DLG2: variants seen among roughly 807,000 people sequenced by gnomAD.
DLG2 encodes the protein disks large homolog 2.
In DLG2, 45 loss-of-function variants were observed where a neutral mutation model predicts 132.5. That is an observed-to-expected ratio of 0.34 (90% confidence interval 0.27 to 0.44). The LOEUF is 0.44. Among genes scored for constraint, DLG2 ranks in the 20% least tolerant of loss-of-function variants. DLG2 has a pLI of 1.00. For synonymous variants in DLG2, 424 were observed against 419.6 expected, an observed-to-expected ratio of 1.01 and a Z score of -0.13; for missense variants, 1,045 against 1,196.9, an observed-to-expected ratio of 0.87 and a Z score of 1.87.
chr11:84,787,853 C>T (rs915364875), intron 6 of DLG2, among the ~76,000 whole-genome samples: 3 of 151,442 alleles, frequency 2.0e-5, no homozygotes, highest in African/African-American at 4.9e-5. Context: ...AATCCCAGCA[C>T]TTTGGGAGGC....
chr11:85,055,149 T>C (rs941997606), intron 6 of DLG2, among the ~76,000 whole-genome samples: 1 of 152,134 alleles, frequency 6.6e-6, no homozygotes, highest in Non-Finnish European at 1.5e-5. Flanking sequence ...CAAATAAAGA[T>C]GCTCAAATGG....
chr11:83,624,733 C>A lies in DLG2; in HGVS notation c.1940+8478G>T, dbSNP rs529809828. 2.0e-5 allele frequency among the ~76,000 whole-genome samples: 3 copies of A among 152,252 alleles called. No homozygotes were observed. In the South Asian group the frequency reaches 6.2e-4, roughly 32 times the overall value. ...AATGTGACACTCAAGTTTTAGCAAA[C>A]AATAAGCTATGCACGACTATCATTA... On this transcript the variant is annotated intron_variant, in intron 19 of 27. Transcript: ENST00000376104.
chr11:84,317,728 G>C (rs1324459772), intron 7 of DLG2, among the ~76,000 whole-genome samples: 1 of 152,140 alleles, frequency 6.6e-6, no homozygotes, highest in African/African-American at 2.4e-5. Context: ...TATCTAGAGA[G>C]AGATTTGCCA....
chr11:85,091,111 C>A (rs1373352449), intron 6 of DLG2, among the ~76,000 whole-genome samples: 1 of 152,206 alleles, frequency 6.6e-6, no homozygotes, highest in Non-Finnish European at 1.5e-5. Context: ...CCAAACACCT[C>A]CCATTTGGTT....
At chr11:84,753,121 G>T (rs1039587719) in intron 6 of DLG2, among the ~76,000 whole-genome samples, 2 of 152,138 alleles carry the variant, frequency 1.3e-5, no homozygotes, top group African/African-American at 4.8e-5. Context: ...TAATCACAAA[G>T]ATTTTTGGGC....
At chr11:85,465,073 CAAAAAAAAAAAAAAAAAAAAAAAAAAA>C (rs1157088846) in intron 3 of DLG2, among the ~76,000 whole-genome samples, 355 of 17,142 alleles carry the variant, frequency 0.021, 2 homozygotes, top group East Asian at 0.11. Flanking sequence ...AACTCTGCCT[CAAAAAAAAAAAAAAAAAAAAAAAAAAA>C]AAAAAAAAAA....
intron 21 of DLG2, among the ~76,000 whole-genome samples, chr11:83,512,032 G>A (rs1044059706): frequency 2.6e-5 from 4 of 152,192 alleles, no homozygotes; most frequent in Admixed American, 2.0e-4. Flanking sequence ...TTTGTAAACA[G>A]TTTGTGAGGG....
intron 6 of DLG2, among the ~76,000 whole-genome samples, chr11:84,954,214 G>A (rs2051325133): frequency 6.6e-6 from 1 of 151,852 alleles, no homozygotes; most frequent in South Asian, 2.1e-4. Context: ...CTCTGCATTG[G>A]ACTCTCCTCT....
chr11:85,002,491 C>G (rs780906870), intron 6 of DLG2, among the ~76,000 whole-genome samples: 1 of 152,168 alleles, frequency 6.6e-6, no homozygotes, highest in Non-Finnish European at 1.5e-5. Flanking sequence ...GGTCTACAAT[C>G]TCTCCATGAT....
intron 4 of DLG2, among the ~76,000 whole-genome samples, chr11:85,203,860 G>A (rs2081648538): frequency 6.6e-6 from 1 of 152,036 alleles, no homozygotes; most frequent in South Asian, 2.1e-4. Flanking sequence ...ATTTAGTCCA[G>A]GGATGCACAG....
chr11:84,362,549 T>C lies in DLG2; in HGVS notation c.520-111258A>G, dbSNP rs1445090384. Among the ~76,000 whole-genome samples, 4 of 152,030 alleles carry C rather than the reference T, an allele frequency of 2.6e-5. No homozygotes were observed. The East Asian group carries it at 7.7e-4, about 29-fold the overall frequency. Reference sequence around the variant, plus strand: ...TATACTTCAAGTTTTAGGGTACATGTGCACAATGTGCAGGTTAGTTACATA... The same window carrying C: ...TATACTTCAAGTTTTAGGGTACATGCGCACAATGTGCAGGTTAGTTACATA... On this transcript the variant is annotated intron_variant, in intron 7 of 27. Coordinates refer to ENST00000376104, the MANE Select transcript of DLG2 (RefSeq NM_001142699.3).
chr11:83,603,200 C>G (rs753863456), intron 19 of DLG2, among the ~76,000 whole-genome samples: 1 of 152,110 alleles, frequency 6.6e-6, no homozygotes, highest in Non-Finnish European at 1.5e-5. Context: ...CCGATCACCA[C>G]GACAAAGAAT....
chr11:84,735,315 T>C (rs1000257551), intron 6 of DLG2, among the ~76,000 whole-genome samples: 1 of 152,050 alleles, frequency 6.6e-6, no homozygotes, highest in African/African-American at 2.4e-5. Flanking sequence ...CAATTTCAGA[T>C]TCTATTATTG....
At chr11:85,363,367 A>G (rs1342328210) in intron 3 of DLG2, among the ~76,000 whole-genome samples, 2 of 152,230 alleles carry the variant, frequency 1.3e-5, no homozygotes, top group African/African-American at 4.8e-5. Flanking sequence ...AATGGAAAGG[A>G]AAGGAGGCTT....
intron 5 of DLG2, among the ~76,000 whole-genome samples, chr11:85,135,692 T>C (rs940815513): frequency 5.9e-5 from 9 of 152,224 alleles, no homozygotes; most frequent in African/African-American, 1.9e-4. Flanking sequence ...ATTATTTGAT[T>C]AATGTCTATA....
At chr11:84,440,084 T>C (rs1275442353) in intron 7 of DLG2, among the ~76,000 whole-genome samples, 1 of 152,260 alleles carries the variant, frequency 6.6e-6, no homozygotes, top group Non-Finnish European at 1.5e-5. Flanking sequence ...TTACTGGTTT[T>C]GCCTTTATGT....
At chr11:83,536,038 A>T (rs918776190) in intron 20 of DLG2, among the ~76,000 whole-genome samples, 1 of 152,164 alleles carries the variant, frequency 6.6e-6, no homozygotes, top group Non-Finnish European at 1.5e-5. Flanking sequence ...GCATTATCCA[A>T]ATTCTCAACA....
At chr11:85,277,386 AT>A (rs1348713974) in intron 4 of DLG2, among the ~76,000 whole-genome samples, 1 of 152,198 alleles carries the variant, frequency 6.6e-6, no homozygotes, top group African/African-American at 2.4e-5. Flanking sequence ...TTACAGTTAA[AT>A]ATCTTTGCAT....
At chr11:84,502,690 G>A (rs544259793) in intron 7 of DLG2, among the ~76,000 whole-genome samples, 5 of 151,756 alleles carry the variant, frequency 3.3e-5, no homozygotes, top group African/African-American at 7.3e-5. Flanking sequence ...ACCATTTCAC[G>A]ACAGCCCAGG....
Sources: gnomAD v4.1 joint callset for allele counts (sites outside exome capture counted in the v4.1 genomes callset) on GRCh38, gnomAD v4.1.1 for gene constraint, MANE v1.5 for transcripts, NCBI Gene and HGNC (gene_info 2026-07-23, HGNC 2026-07-21) for gene names.